The following SLC36A1 variants were observed in gnomAD, a reference collection of about 807,000 sequenced individuals.
SLC36A1 encodes solute carrier family 36 member 1, also known as proton-coupled amino acid transporter 1.
Under a neutral mutation model 47.5 loss-of-function variants are expected in SLC36A1, and 30 were observed. The observed-to-expected ratio is 0.63, with a 90% CI of 0.47 to 0.86. The LOEUF is 0.86. Ranked by LOEUF, SLC36A1 falls within the 40% of genes least tolerant of loss-of-function variation. SLC36A1 has a pLI of 0.00. For synonymous variants in SLC36A1, 255 were observed against 249.7 expected (o/e 1.02, Z -0.20); for missense variants, 517 against 606.0 (o/e 0.85, Z 1.54).
the SLC36A1 span, among the ~76,000 whole-genome samples, chr5:151,499,192 A>C: frequency 3.3e-5 from 5 of 152,184 alleles, no homozygotes; most frequent in African/African-American, 7.2e-5. Context: ...ATTTTGAGAA[A>C]AGTTTTAAAA....
At chr5:151,366,603 C>A in the SLC36A1 span, 2 of 184,068 alleles carry the variant, frequency 1.1e-5, no homozygotes, top group South Asian at 1.0e-4. Context: ...TGCTGCTCAC[C>A]AAGCTCATCT....
intron 10 of SLC36A1, among the ~76,000 whole-genome samples, chr5:151,481,824 T>C (rs1237728224): frequency 1.3e-5 from 2 of 152,318 alleles, no homozygotes; most frequent in Admixed American, 1.3e-4. Flanking sequence ...CAGTATCTAC[T>C]TCCAGCCCAT....
intron 2 of SLC36A1, chr5:151,459,802 G>A (rs1269280918): frequency 7.2e-6 from 1 of 139,556 alleles, no homozygotes; most frequent in Non-Finnish European, 1.6e-5. Context: ...GACTGCCCAA[G>A]CGGACCATGG....
At chr5:151,507,955 A>G in the SLC36A1 span, among the ~76,000 whole-genome samples, 1 of 152,210 alleles carries the variant, frequency 6.6e-6, no homozygotes. Context: ...CAATGATGTC[A>G]GGGTTCCAGA....
chr5:151,545,620 A>G, the SLC36A1 span: 1 of 1,614,082 alleles, frequency 6.2e-7, no homozygotes, highest in Non-Finnish European at 8.5e-7. Context: ...ACAGAATTGG[A>G]AAGAGGGCAT....
At chr5:151,518,837 C>G in the SLC36A1 span, among the ~76,000 whole-genome samples, 2,273 of 152,266 alleles carry the variant, frequency 0.015, 53 homozygotes, top group African/African-American at 0.05. Context: ...CTGCCCTCCC[C>G]AGATTTTAAA....
At position 151,467,882 on chromosome 5, in the gene SLC36A1, C is replaced by A. The variant is rs747755817; in HGVS notation, c.680C>A (p.Thr227Asn). ...LSIFSLLANI[T>N]MLVSLVMIYQ... ...ATCTTCTCCCTGTTGGCCAACATCA[C>A]CATGCTGGTCAGCTTGGTCATGATC... Residue 227 changes from threonine to asparagine, a missense_variant, in exon 7 of 11, where the codon ACC becomes AAC. Physicochemically the swap from Thr to Asn is moderately conservative, Grantham distance 65. Transcript: ENST00000243389. 1 of 1,613,940 alleles carries A rather than the reference C, an allele frequency of 6.2e-7. No homozygotes were observed. Among genetic ancestry groups the A allele is most frequent in the Non-Finnish European group, 8.5e-7 (1 of 1,179,996 alleles).
At chr5:151,425,301 C>G in the SLC36A1 span, 1 of 152,480 alleles carries the variant, frequency 6.6e-6, no homozygotes, top group South Asian at 2.1e-4. Flanking sequence ...CTCCCAGCCC[C>G]TCTTACCAAG....
At chr5:151,507,611 C>A in the SLC36A1 span, 1 of 1,514,982 alleles carries the variant, frequency 6.6e-7, no homozygotes, top group Non-Finnish European at 8.7e-7. Flanking sequence ...CCATTTCACA[C>A]CTGCGGAGAC....
the SLC36A1 span, among the ~76,000 whole-genome samples, chr5:151,409,309 G>T: frequency 6.6e-6 from 1 of 152,002 alleles, no homozygotes; most frequent in Non-Finnish European, 1.5e-5. Context: ...GGTTGGGGTG[G>T]GGGGGATAGA....
the SLC36A1 span, among the ~76,000 whole-genome samples, chr5:151,424,204 T>G: frequency 6.6e-6 from 1 of 152,112 alleles, no homozygotes; most frequent in Non-Finnish European, 1.5e-5. Context: ...TAAAAGTACA[T>G]TATGTTGGAC....
At chr5:151,552,901 A>G in the SLC36A1 span, among the ~76,000 whole-genome samples, 1 of 152,208 alleles carries the variant, frequency 6.6e-6, no homozygotes, top group Non-Finnish European at 1.5e-5. Flanking sequence ...GAACCATTTT[A>G]GGTCTCCTAG....
the SLC36A1 span, among the ~76,000 whole-genome samples, chr5:151,411,617 G>A: frequency 2.8e-5 from 4 of 144,708 alleles, 1 homozygote; most frequent in Non-Finnish European, 6.1e-5. Context: ...GCCCTAATGG[G>A]GGTCCACCCC....
the SLC36A1 span, among the ~76,000 whole-genome samples, chr5:151,354,020 T>A: frequency 6.6e-6 from 1 of 152,230 alleles, no homozygotes; most frequent in Non-Finnish European, 1.5e-5. Flanking sequence ...AAAGCTACTA[T>A]CTGCCGGGTG....
chr5:151,362,209 T>C, the SLC36A1 span, among the ~76,000 whole-genome samples: 7 of 152,196 alleles, frequency 4.6e-5, no homozygotes, highest in Non-Finnish European at 1.0e-4. Context: ...TTAGATTTGG[T>C]CTTTTGAGAT....
chr5:151,393,216 G>T, the SLC36A1 span, among the ~76,000 whole-genome samples: 2 of 151,898 alleles, frequency 1.3e-5, no homozygotes, highest in Admixed American at 1.3e-4. Flanking sequence ...CAGAGACTAG[G>T]ATTGCAACCC....
chr5:151,408,977 T>C, the SLC36A1 span, among the ~76,000 whole-genome samples: 46 of 150,566 alleles, frequency 3.1e-4, no homozygotes, highest in African/African-American at 9.1e-4. Context: ...GGTGATTTTT[T>C]TTTTCTTTTC....
chr5:151,499,086 C>A, the SLC36A1 span, among the ~76,000 whole-genome samples: 1 of 152,046 alleles, frequency 6.6e-6, no homozygotes, highest in African/African-American at 2.4e-5. Context: ...TGAATAGTGC[C>A]CTGGCCTGGT....
At chr5:151,436,837 T>C (rs1759799522), upstream of SLC36A1, among the ~76,000 whole-genome samples, 1 of 152,130 alleles carries the variant, frequency 6.6e-6, no homozygotes, top group Non-Finnish European at 1.5e-5. Context: ...ATTCATTTCA[T>C]TGGTGAGAAA....
Sources: allele counts gnomAD v4.1 joint callset (sites outside exome capture counted in the v4.1 genomes callset), GRCh38; gene constraint gnomAD v4.1.1; transcripts MANE v1.5; gene names NCBI Gene and HGNC (gene_info 2026-07-23, HGNC 2026-07-21).